PTK2: variants seen among roughly 807,000 people sequenced by gnomAD.
PTK2 encodes the protein protein tyrosine kinase 2, also known as focal adhesion kinase 1.
PTK2 carries 45 observed loss-of-function variants against 150.1 expected under a neutral mutation model. The observed-to-expected ratio is 0.30, with a 90% CI of 0.24 to 0.38. The LOEUF is 0.38. Ranked by LOEUF, PTK2 falls within the 10% of genes least tolerant of loss-of-function variation. The pLI, the probability that PTK2 is intolerant of heterozygous loss-of-function variation, is 1.00. For synonymous variants in PTK2, 432 were observed against 449.2 expected, an observed-to-expected ratio of 0.96 and a Z score of 0.48; for missense variants, 919 against 1,307.3, an observed-to-expected ratio of 0.70 and a Z score of 4.58.
chr8:140,757,251 T>G (rs895567727), intron 16 of PTK2, among the ~76,000 whole-genome samples: 1 of 152,112 alleles, frequency 6.6e-6, no homozygotes, highest in African/African-American at 2.4e-5. Flanking sequence ...AATCTCAAAC[T>G]GAGGCAGAGC....
chr8:140,661,679 C>T (rs930189860), intron 31 of PTK2, among the ~76,000 whole-genome samples: 1 of 152,024 alleles, frequency 6.6e-6, no homozygotes, highest in Non-Finnish European at 1.5e-5. Context: ...TGGCAGGGAA[C>T]AAAAGCCTGA....
chr8:140,690,236 G>T (rs1232887587), intron 26 of PTK2, among the ~76,000 whole-genome samples: 1 of 152,196 alleles, frequency 6.6e-6, no homozygotes, highest in Non-Finnish European at 1.5e-5. Context: ...ACAGGCGTGA[G>T]CCACCGCGCC....
intron 16 of PTK2, among the ~76,000 whole-genome samples, chr8:140,758,955 C>A (rs1191905966): frequency 1.3e-5 from 2 of 152,146 alleles, no homozygotes; most frequent in Non-Finnish European, 2.9e-5. Flanking sequence ...CCATGTGCTA[C>A]AACTGCCCAC....
chr8:140,869,568 A>G (rs552918174), intron 4 of PTK2, among the ~76,000 whole-genome samples: 2 of 150,380 alleles, frequency 1.3e-5, no homozygotes, highest in East Asian at 1.9e-4. Context: ...ACAATACATA[A>G]GTAGTAAAAC....
At chr8:140,808,243 G>A (rs1226523058) in intron 10 of PTK2, among the ~76,000 whole-genome samples, 5 of 152,066 alleles carry the variant, frequency 3.3e-5, no homozygotes, top group Non-Finnish European at 7.4e-5. Context: ...CCATGAACAG[G>A]TAAGATGGGA....
intron 1 of PTK2, chr8:141,000,760 C>T (rs1169486825): frequency 2.0e-5 from 3 of 150,548 alleles, no homozygotes; most frequent in African/African-American, 7.4e-5. Context: ...CCCGCGCGCC[C>T]CCAAAACCCC....
intron 26 of PTK2, among the ~76,000 whole-genome samples, chr8:140,691,849 G>T (rs927441399): frequency 6.6e-6 from 1 of 152,150 alleles, no homozygotes; most frequent in Non-Finnish European, 1.5e-5. Context: ...AATATCCAAG[G>T]CACAAGAGAT....
intron 3 of PTK2, among the ~76,000 whole-genome samples, chr8:140,884,080 A>G (rs1466346046): frequency 6.6e-6 from 1 of 152,104 alleles, no homozygotes; most frequent in Non-Finnish European, 1.5e-5. Flanking sequence ...GCTGCAGTGA[A>G]GGACTCATGA....
intron 26 of PTK2, among the ~76,000 whole-genome samples, chr8:140,698,126 C>T (rs745534710): frequency 6.6e-6 from 1 of 152,108 alleles, no homozygotes; most frequent in Non-Finnish European, 1.5e-5. Flanking sequence ...TCTGCTGCCT[C>T]CCCCAAGTCC....
At chr8:140,799,874 C>T (rs533988733) in intron 12 of PTK2, among the ~76,000 whole-genome samples, 2 of 152,284 alleles carry the variant, frequency 1.3e-5, no homozygotes, top group South Asian at 4.1e-4. Context: ...ATGCTATTAT[C>T]CTGCTGGGAA....
At chr8:140,869,546 T>G (rs540697607) in intron 4 of PTK2, among the ~76,000 whole-genome samples, 1 of 152,138 alleles carries the variant, frequency 6.6e-6, no homozygotes, top group Non-Finnish European at 1.5e-5. Context: ...ATGATCACGA[T>G]GTCAGACTTG....
At chr8:140,946,107 G>C (rs886345629) in intron 1 of PTK2, among the ~76,000 whole-genome samples, 1 of 152,226 alleles carries the variant, frequency 6.6e-6, no homozygotes, top group East Asian at 1.9e-4. Context: ...TGTGTCTAGG[G>C]GGTGAAGACA....
chr8:140,937,260 T>C (rs2100173972), intron 1 of PTK2, among the ~76,000 whole-genome samples: 1 of 152,218 alleles, frequency 6.6e-6, no homozygotes, highest in Admixed American at 6.5e-5. Flanking sequence ...TTTCTTTTTA[T>C]AATCGTTATT....
chr8:140,690,199 G>T (rs1031894280), intron 26 of PTK2, among the ~76,000 whole-genome samples: 1 of 152,020 alleles, frequency 6.6e-6, no homozygotes, highest in Non-Finnish European at 1.5e-5. Context: ...TGATCTGCCC[G>T]CCTCGGCCTC....
At chr8:140,920,602 T>G (rs1227548800) in intron 2 of PTK2, among the ~76,000 whole-genome samples, 1 of 152,184 alleles carries the variant, frequency 6.6e-6, no homozygotes, top group Non-Finnish European at 1.5e-5. Context: ...CACTTAAAAT[T>G]CATTTCCATA....
At chr8:140,960,708 G>A (rs956473231) in intron 1 of PTK2, among the ~76,000 whole-genome samples, 1 of 152,150 alleles carries the variant, frequency 6.6e-6, no homozygotes, top group African/African-American at 2.4e-5. Context: ...TAGGCTGGGC[G>A]CGGTGGCTCA....
At chr8:140,834,057 G>A (rs1434016075) in intron 7 of PTK2, among the ~76,000 whole-genome samples, 1 of 152,204 alleles carries the variant, frequency 6.6e-6, no homozygotes, top group Non-Finnish European at 1.5e-5. Flanking sequence ...TTCAAGTGAT[G>A]AGCAGTCCCA....
chr8:140,882,856 C>T (rs1454542426), intron 3 of PTK2, among the ~76,000 whole-genome samples: 1 of 152,120 alleles, frequency 6.6e-6, no homozygotes, highest in African/African-American at 2.4e-5. Context: ...ACCAAACTTC[C>T]TGGCCATCAA....
intron 7 of PTK2, among the ~76,000 whole-genome samples, chr8:140,836,261 T>C (rs2100118602): frequency 6.6e-6 from 1 of 152,208 alleles, no homozygotes; most frequent in African/African-American, 2.4e-5. Context: ...TTTATGTCGT[T>C]TCACTTATAG....
Sources: allele counts gnomAD v4.1 joint callset (sites outside exome capture counted in the v4.1 genomes callset), GRCh38; gene constraint gnomAD v4.1.1; transcripts MANE v1.5; gene names NCBI Gene and HGNC (gene_info 2026-07-23, HGNC 2026-07-21).